Variants in BCR observed in about 807,000 individuals in gnomAD.
BCR encodes BCR activator of RhoGEF and GTPase.
In BCR, 58 loss-of-function variants were observed where a neutral mutation model predicts 138.6. The ratio of observed to expected loss-of-function variants is 0.42; its 90% confidence interval spans 0.34 to 0.52. BCR has a LOEUF of 0.52. BCR is among the 20% of genes least tolerant of loss of function. The pLI, the probability that BCR is intolerant of heterozygous loss-of-function variation, is 0.06. For missense variants in BCR, 1,599 were observed against 1,727.2 expected (o/e 0.93, Z 1.32); for synonymous variants, 786 against 730.1 (o/e 1.08, Z -1.23).
chr22:23,253,955 C>T lies in BCR; in HGVS notation c.1436C>T (p.Ser479Leu), dbSNP rs760814778. Residue 479 changes from serine (S) to leucine (L), a missense_variant, in exon 2 of 23, where the codon TCG becomes TTG. By Grantham distance (145) the Ser-to-Leu change is moderately radical (BLOSUM62 -2). This residue lies in a region of BCR where 590 missense variants were observed against 762.4 expected (regional missense o/e 0.77). Transcript: ENST00000305877. ...AGGGGCAGCCGGGATGCGCTGGTCT[C>T]GGGAGCCCTGGAGTCCACTAAAGCG... ...KGRGSRDALVSGALESTKASE... is the reference protein window; with the variant it reads ...KGRGSRDALVLGALESTKASE... 6.8e-6 allele frequency: 11 copies of T among 1,612,784 alleles called. No individual in the cohort carries two copies. The highest frequency in any genetic ancestry group is 5.0e-5 in the Admixed American group (3 of 59,990).
chr22:23,314,778 C>T, intron 22 of BCR, 64 bp downstream of exon 22: 2 of 1,576,490 alleles, frequency 1.3e-6, no homozygotes, highest in East Asian at 2.3e-5. Context: ...CTGCCTGCCC[C>T]ACCCCCAGTC....
At chr22:23,186,788 C>T (rs945616160) in intron 1 of BCR, among the ~76,000 whole-genome samples, 2 of 152,138 alleles carry the variant, frequency 1.3e-5, no homozygotes, top group Non-Finnish European at 2.9e-5. Flanking sequence ...CTTACTGCAG[C>T]CTCTGCCTCC....
At chr22:23,295,892 G>A (rs968279967) in intron 16 of BCR, among the ~76,000 whole-genome samples, 51 of 152,090 alleles carry the variant, frequency 3.4e-4, no homozygotes, top group African/African-American at 1.2e-3. Flanking sequence ...AGCCCTGATC[G>A]TGCTTTCCTT....
At position 23,180,922 on chromosome 22, in the gene BCR, C is replaced by G; in HGVS notation, c.-39C>G. ...GCCGCGCCGCCGCTGAGACGGGCCC[C>G]GCGCGCAGCCCGGCGGCGCAGGTAA... On this transcript the variant is annotated 5_prime_UTR_variant, in exon 1 of 23. Transcript: ENST00000305877. The G allele has an allele frequency of 1.8e-6, 2 of 1,097,102 alleles. No individual in the cohort carries two copies. The highest frequency in any genetic ancestry group is 4.9e-5 in the East Asian group (1 of 20,322). 68.0% of individuals were successfully genotyped at this position (1,097,102 alleles called of 1,614,324 possible).
At position 23,317,868 on chromosome 22, in the gene BCR, G is replaced by A. The variant is rs1375182458; in HGVS notation, c.*2346G>A. On this transcript the variant is annotated 3_prime_UTR_variant, in exon 23 of 23. Transcript: ENST00000305877. ...GCCAGTGTGACCTCCCACAAGGCGT[G>A]GCTTCCAGACTCCCCGGCCGGAAGT... The A allele has an allele frequency of 1.4e-5, 2 of 142,158 alleles. No homozygotes were observed. Among genetic ancestry groups the A allele is most frequent in the African/African-American group, 2.8e-5 (1 of 35,862 alleles). The allele number at this position is 142,158 out of a possible 1,614,324, so 8.8% of individuals were successfully genotyped here.
At chr22:23,254,707 G>C (rs1335061812) in intron 2 of BCR, 1 of 428,062 alleles carries the variant, frequency 2.3e-6, no homozygotes, top group African/African-American at 2.0e-5. Flanking sequence ...CTGGGGCCCA[G>C]ATGCTCACCC....
intron 4 of BCR, chr22:23,264,153 A>G (rs1411267167): frequency 6.6e-7 from 1 of 1,512,384 alleles, no homozygotes; most frequent in African/African-American, 1.4e-5. Context: ...CTGCCTGCAG[A>G]CAGATGGCAA....
At chr22:23,247,307 T>C (rs1297871733) in intron 1 of BCR, among the ~76,000 whole-genome samples, 3 of 152,168 alleles carry the variant, frequency 2.0e-5, no homozygotes, top group African/African-American at 7.2e-5. Context: ...CTTTTACCTT[T>C]GTAAATAAAT....
At chr22:23,270,645 C>T (rs532994389) in intron 5 of BCR, among the ~76,000 whole-genome samples, 1 of 152,342 alleles carries the variant, frequency 6.6e-6, no homozygotes, top group South Asian at 2.1e-4. Flanking sequence ...AAAACACTTT[C>T]GTCTGGTCTT....
chr22:23,240,221 T>G (rs1241306016), intron 1 of BCR, among the ~76,000 whole-genome samples: 1 of 152,148 alleles, frequency 6.6e-6, no homozygotes, highest in African/African-American at 2.4e-5. Flanking sequence ...GACTTCAGCA[T>G]ATGAATTTAG....
chr22:23,303,952 T>TTTTA (rs1555884617), intron 16 of BCR, among the ~76,000 whole-genome samples: 6 of 149,998 alleles, frequency 4.0e-5, no homozygotes, highest in African/African-American at 7.3e-5. Context: ...TTTTTTTTTT[T>TTTTA]AAGACAGGGT....
At chr22:23,278,176 G>A (rs888656088) in intron 8 of BCR, among the ~76,000 whole-genome samples, 3 of 152,206 alleles carry the variant, frequency 2.0e-5, no homozygotes, top group Non-Finnish European at 1.5e-5. Context: ...CACCCCCTCC[G>A]CCTGGGCTCG....
At chr22:23,192,570 TA>T (rs1380315274) in intron 1 of BCR, among the ~76,000 whole-genome samples, 1 of 152,350 alleles carries the variant, frequency 6.6e-6, no homozygotes, top group Non-Finnish European at 1.5e-5. Context: ...GTCAGCTGTC[TA>T]GGAACATGTT....
intron 1 of BCR, among the ~76,000 whole-genome samples, chr22:23,221,321 G>C (rs752488378): frequency 3.9e-5 from 6 of 152,132 alleles, no homozygotes; most frequent in Non-Finnish European, 8.8e-5. Flanking sequence ...GGAGCCATGG[G>C]GGACCATGTC....
Position 23,309,503 on chromosome 22 carries a change from T to G in BCR, c.3072+20T>G. The G allele has an allele frequency of 6.3e-7, 1 of 1,579,240 alleles. No homozygotes were observed. The highest frequency in any genetic ancestry group is 1.2e-5 in the South Asian group (1 of 86,644). ...AATGGGGTACGTGTCCGTGGGACTC[T>G]CCTGGTGCCCACTTCCCCCAGAAGG... is the stretch of plus-strand genomic sequence containing the variant. On this transcript the variant is annotated intron_variant, in intron 17 of 22. Coordinates refer to ENST00000305877, the MANE Select transcript of BCR (RefSeq NM_004327.4).
chr22:23,253,840 G>A lies in BCR; in HGVS notation c.1321G>A (p.Asp441Asn), dbSNP rs1352467954. 1 of 1,613,090 alleles carries A rather than the reference G, an allele frequency of 6.2e-7. No homozygotes were observed. The highest frequency in any genetic ancestry group is 1.3e-5 in the African/African-American group (1 of 75,044). The stretch of plus-strand genomic sequence containing the variant: ...ACCACCTGGATACGGCTGCGCTGCA[G>A]ACCGGGCAGAGGAGCAGCGCCGGCA... ...GTPPGYGCAA[D>N]RAEEQRRHQD... Residue 441 changes from aspartate (D) to asparagine (N), a missense_variant, in exon 2 of 23, where the codon GAC (aspartate) becomes AAC (asparagine). Asp to Asn is a conservative substitution (Grantham distance 23, BLOSUM62 1). This residue lies in a region of BCR where 590 missense variants were observed against 762.4 expected (regional missense o/e 0.77). Transcript: ENST00000305877.
chr22:23,197,205 G>A (rs1483215301), intron 1 of BCR, among the ~76,000 whole-genome samples: 1 of 152,134 alleles, frequency 6.6e-6, no homozygotes, highest in Non-Finnish European at 1.5e-5. Context: ...ACGGTATTCA[G>A]TACGGTAACA....
intron 4 of BCR, chr22:23,263,077 G>A (rs2073387497): frequency 1.4e-6 from 1 of 708,314 alleles, no homozygotes; most frequent in Non-Finnish European, 2.2e-6. Context: ...GCCAGGCCGG[G>A]AAGAGTACAA....
chr22:23,297,207 G>GTTTTTTTTTT lies in BCR; in HGVS notation c.3012+2058_3012+2059insTTTTTTTTTT, dbSNP rs1307353327. ...GTGCCCCACCATGCCTGGCTAAGTT[G>GTTTTTTTTTT]TTTTTTGTTTTTTGTTTTTTTTTTT... On this transcript the variant is annotated intron_variant, in intron 16 of 22. Coordinates refer to ENST00000305877, the MANE Select transcript of BCR (RefSeq NM_004327.4). Among the ~76,000 whole-genome samples the GTTTTTTTTTT allele has an allele frequency of 2.7e-4, 26 of 97,396 alleles. 4 individuals are homozygous for GTTTTTTTTTT. Among genetic ancestry groups the GTTTTTTTTTT allele is most frequent in the Admixed American group, 1.9e-3 (17 of 9,030 alleles). 63.9% of individuals were successfully genotyped at this position (97,396 alleles called of 152,430 possible).
Sources: gnomAD v4.1 joint callset for allele counts (sites outside exome capture counted in the v4.1 genomes callset) on GRCh38, gnomAD v4.1.1 for gene constraint, gnomAD v4.1.1 regional missense constraint, MANE v1.5 for transcripts, NCBI Gene and HGNC (gene_info 2026-07-23, HGNC 2026-07-21) for gene names.